LMBR1: variants seen among roughly 807,000 people sequenced by gnomAD.
LMBR1 encodes limb development membrane protein 1, also known as limb region 1 protein homolog.
A neutral mutation model predicts 73.9 loss-of-function variants in LMBR1; 52 were observed. The ratio of observed to expected loss-of-function variants is 0.70; its 90% CI spans 0.56 to 0.89. LMBR1 has a LOEUF of 0.89. Ranked by LOEUF, LMBR1 falls within the 40% of genes least tolerant of loss-of-function variation. The probability of loss-of-function intolerance (pLI) is 0.00; values close to 1 mark genes in which losing one functional copy is unlikely to be tolerated. For synonymous variants in LMBR1, 215 were observed against 209.4 expected (o/e 1.03, Z -0.23); for missense variants, 539 against 579.8 (o/e 0.93, Z 0.72).
intron 7 of LMBR1, 74 bp downstream of exon 7, chr7:156,763,034 G>A (rs544328648): frequency 2.2e-5 from 17 of 786,256 alleles, no homozygotes; most frequent in Non-Finnish European, 4.2e-6. Flanking sequence ...AATCTCATCA[G>A]AAAACTTCCC....
intron 1 of LMBR1, among the ~76,000 whole-genome samples, chr7:156,843,881 A>T (rs1194078700): frequency 1.3e-5 from 2 of 151,884 alleles, no homozygotes; most frequent in East Asian, 3.9e-4. Context: ...TTTAGTGCAC[A>T]AGTGGTAGAT....
At chr7:156,874,546 C>G (rs1209767566) in intron 1 of LMBR1, among the ~76,000 whole-genome samples, 1 of 152,250 alleles carries the variant, frequency 6.6e-6, no homozygotes, top group African/African-American at 2.4e-5. Flanking sequence ...CCGAGGACCG[C>G]CAGCACACTG....
intron 1 of LMBR1, among the ~76,000 whole-genome samples, chr7:156,851,386 C>G (rs759969139): frequency 1.3e-5 from 2 of 152,212 alleles, no homozygotes; most frequent in South Asian, 2.1e-4. Flanking sequence ...TGCTTCCTCA[C>G]AGAAAACACT....
chr7:156,767,718 G>A (rs1824358151), intron 5 of LMBR1, among the ~76,000 whole-genome samples: 1 of 151,650 alleles, frequency 6.6e-6, no homozygotes, highest in Admixed American at 6.6e-5. Flanking sequence ...AGAAAATCAA[G>A]TTTAGCAAAA....
At chr7:156,675,931 A>G (rs1449507597), downstream of LMBR1, 1 of 1,502,990 alleles carries the variant, frequency 6.7e-7, no homozygotes, top group African/African-American at 1.4e-5. Context: ...GGGGAGTGGC[A>G]TGTGGGGGGA....
intron 5 of LMBR1, among the ~76,000 whole-genome samples, chr7:156,774,930 T>G (rs1313799526): frequency 6.6e-6 from 1 of 152,118 alleles, no homozygotes; most frequent in East Asian, 1.9e-4. Context: ...ATCCAAACAG[T>G]GCATGTTCTC....
At chr7:156,824,456 G>T (rs1358926513) in intron 4 of LMBR1, among the ~76,000 whole-genome samples, 1 of 151,974 alleles carries the variant, frequency 6.6e-6, no homozygotes, top group Admixed American at 6.5e-5. Context: ...TCTTCCACTG[G>T]ATTACAGCAC....
intron 2 of LMBR1, 26 bp from the exon 3 acceptor site, chr7:156,833,818 A>G: frequency 6.8e-7 from 1 of 1,473,612 alleles, no homozygotes; most frequent in Non-Finnish European, 9.3e-7. Context: ...AGGTATTAAT[A>G]TTCCTTTATC....
chr7:156,858,477 C>G (rs960140398), intron 1 of LMBR1, among the ~76,000 whole-genome samples: 7 of 152,146 alleles, frequency 4.6e-5, no homozygotes, highest in Admixed American at 1.3e-4. Flanking sequence ...TTGAATTCTA[C>G]CAAATTTAAG....
At chr7:156,861,384 AG>A (rs994807281) in intron 1 of LMBR1, among the ~76,000 whole-genome samples, 7 of 152,152 alleles carry the variant, frequency 4.6e-5, no homozygotes, top group African/African-American at 1.7e-4. Flanking sequence ...TGCACAGAGC[AG>A]GGGGGCCCTG....
intron 1 of LMBR1, among the ~76,000 whole-genome samples, chr7:156,840,270 T>C (rs1394876790): frequency 6.6e-6 from 1 of 152,084 alleles, no homozygotes; most frequent in Non-Finnish European, 1.5e-5. Flanking sequence ...ATATAAAGTG[T>C]GTCGTATGAT....
chr7:156,763,873 C>T (rs1823596830), intron 5 of LMBR1, 78 bp from the exon 6 acceptor site: 1 of 1,181,378 alleles, frequency 8.5e-7, no homozygotes, highest in African/African-American at 1.6e-5. Flanking sequence ...TATATGAAAG[C>T]ATAAAATAAT....
chr7:156,689,359 T>C (rs1297571976), intron 15 of LMBR1, among the ~76,000 whole-genome samples: 1 of 152,244 alleles, frequency 6.6e-6, no homozygotes, highest in East Asian at 1.9e-4. Context: ...TTATGTACCT[T>C]GTATTTTAAG....
In LMBR1 at chr7:156,678,334, GA is replaced by G. The variant is rs1236992378; in HGVS notation, c.*5743del. The stretch of plus-strand genomic sequence containing the variant: ...TCGCGAAAATCCCATGAGTTCTGAG[GA>G]ATGGTCCAGGGCAGCCTGTGACAGT... On this transcript the variant is annotated 3_prime_UTR_variant, in exon 17 of 17. Coordinates refer to ENST00000353442, the MANE Select transcript of LMBR1 (RefSeq NM_022458.4). The G allele has an allele frequency of 2.0e-5, 3 of 152,226 alleles. No individual in the cohort carries two copies. Among genetic ancestry groups the G allele is most frequent in the South Asian group, 4.1e-4 (2 of 4,830 alleles). 9.4% of individuals were successfully genotyped at this position (152,226 alleles called of 1,614,324 possible).
intron 4 of LMBR1, among the ~76,000 whole-genome samples, chr7:156,815,964 T>C (rs974492721): frequency 6.6e-6 from 1 of 151,966 alleles, no homozygotes; most frequent in African/African-American, 2.4e-5. Flanking sequence ...TCTATTGTTA[T>C]TGATCCATAA....
chr7:156,828,154 C>T (rs916443893), intron 3 of LMBR1, among the ~76,000 whole-genome samples: 1 of 152,192 alleles, frequency 6.6e-6, no homozygotes, highest in Non-Finnish European at 1.5e-5. Flanking sequence ...ACACGGCTAT[C>T]CCAAGATAAT....
At chr7:156,686,871 G>C (rs1013106570) in intron 16 of LMBR1, among the ~76,000 whole-genome samples, 14 of 152,332 alleles carry the variant, frequency 9.2e-5, no homozygotes, top group East Asian at 1.9e-4. Flanking sequence ...AAAAAGGACT[G>C]TTTGATTCCT....
chr7:156,841,260 C>G (rs186149975), intron 1 of LMBR1, among the ~76,000 whole-genome samples: 21 of 152,214 alleles, frequency 1.4e-4, no homozygotes, highest in African/African-American at 4.6e-4. Context: ...TATAGCTTAA[C>G]ACTGTTGAAT....
rs1823560219 is a variant in LMBR1, at chr7:156,763,741, G to C, written c.478C>G (p.Leu160Val). ...GCTACCCACACTATCCCAAGAATGA[G>C]TAACGCAAGAAGAAGAAGCATGACC... is the stretch of plus-strand genomic sequence containing the variant. Reference protein sequence around the residue: ...TLVMLLLLALLILGIVWVASA... With the variant: ...TLVMLLLLALVILGIVWVASA... Residue 160 changes from leucine (L) to valine (V), a missense_variant, in exon 6 of 17, where the codon CTC (leucine) becomes GTC (valine). Leu to Val is a conservative substitution (Grantham distance 32). This residue lies in a region of LMBR1 where 454 missense variants were observed against 473.4 expected (regional missense o/e 0.96). Coordinates refer to ENST00000353442, the MANE Select transcript of LMBR1 (RefSeq NM_022458.4). 6.2e-7 allele frequency: 1 copy of C among 1,605,866 alleles called. No homozygotes were observed. Among genetic ancestry groups the C allele is most frequent in the Admixed American group, 1.7e-5 (1 of 57,154 alleles).
Sources: allele counts gnomAD v4.1 joint callset (sites outside exome capture counted in the v4.1 genomes callset), GRCh38; gene constraint gnomAD v4.1.1; regional missense constraint gnomAD v4.1.1; transcripts MANE v1.5; gene names NCBI Gene and HGNC (gene_info 2026-07-23, HGNC 2026-07-21).